Variants in PPP1R12B observed in about 807,000 individuals in gnomAD.
PPP1R12B encodes myosin phosphatase target subunit 2.
A neutral mutation model predicts 126.1 loss-of-function variants in PPP1R12B; 76 were observed. The observed-to-expected ratio is 0.60, with a 90% confidence interval of 0.50 to 0.73. The LOEUF is 0.73. Among genes scored for constraint, PPP1R12B ranks in the 30% least tolerant of loss-of-function variants. PPP1R12B has a pLI of 0.00. For missense variants in PPP1R12B, 1,052 were observed against 1,205.1 expected (o/e 0.87, Z 1.88); for synonymous variants, 356 against 434.7 (o/e 0.82, Z 2.25).
intron 2 of PPP1R12B, among the ~76,000 whole-genome samples, chr1:202,421,299 C>T (rs1382402822): frequency 6.7e-6 from 1 of 150,126 alleles, no homozygotes; most frequent in Non-Finnish European, 1.5e-5. Context: ...TATTATCTCT[C>T]TCTTTTTTTT....
intron 10 of PPP1R12B, chr1:202,438,962 A>T (rs1671225713): frequency 6.5e-7 from 1 of 1,533,404 alleles, no homozygotes; most frequent in Admixed American, 1.7e-5. Flanking sequence ...TGACCTGGAG[A>T]TGCTCACAGG....
At chr1:202,455,451 A>G (rs1673506807) in intron 13 of PPP1R12B, among the ~76,000 whole-genome samples, 1 of 152,218 alleles carries the variant, frequency 6.6e-6, no homozygotes, top group African/African-American at 2.4e-5. Context: ...GACATTTTAT[A>G]TAAATGGAAT....
intron 1 of PPP1R12B, among the ~76,000 whole-genome samples, chr1:202,361,407 G>C (rs753802891): frequency 2.0e-5 from 3 of 152,200 alleles, no homozygotes; most frequent in Non-Finnish European, 4.4e-5. Context: ...GCATCACATA[G>C]AGCAGGAGAA....
intron 18 of PPP1R12B, among the ~76,000 whole-genome samples, chr1:202,539,603 T>G (rs894130835): frequency 6.6e-6 from 1 of 152,200 alleles, no homozygotes; most frequent in Non-Finnish European, 1.5e-5. Context: ...ATCATAGTAG[T>G]TCCAAATGCC....
rs184582856 is a variant in PPP1R12B at position 202,420,635 on chromosome 1, C to G, written c.423-1985C>G. Among the ~76,000 whole-genome samples the G allele has an allele frequency of 9.2e-5, 14 of 152,116 alleles. No individual in the cohort carries two copies. In the East Asian group the frequency reaches 2.5e-3, roughly 27 times the overall value. On this transcript the variant is annotated intron_variant, in intron 2 of 23. Transcript: ENST00000608999. Reference sequence around the variant, plus strand: ...GAGGTGTAGCTGAATATTCCTTTTGCTTAAGGGAGAGGAATCAGAAGAGAG... The same window carrying G: ...GAGGTGTAGCTGAATATTCCTTTTGGTTAAGGGAGAGGAATCAGAAGAGAG...
intron 17 of PPP1R12B, 85 bp downstream of exon 17, chr1:202,495,767 A>G (rs1365410168): frequency 7.6e-6 from 9 of 1,190,532 alleles, no homozygotes; most frequent in Non-Finnish European, 1.1e-5. Flanking sequence ...AGAGTCCCGC[A>G]TGGTGCCATG....
chr1:202,452,741 A>C (rs1673165856), intron 13 of PPP1R12B, among the ~76,000 whole-genome samples: 2 of 151,416 alleles, frequency 1.3e-5, no homozygotes. Context: ...TTTTTGGTGG[A>C]GTCTTTAGGT....
chr1:202,465,019 A>G lies in PPP1R12B; in HGVS notation c.1850+15848A>G, dbSNP rs375760754. ...GATTGAGTTGGCCTTTAAGTATATG[A>G]AAGGTTTAAATGCTGTAAGAGAATT... On this transcript the variant is annotated intron_variant, in intron 13 of 23. Transcript: ENST00000608999. 9.8e-5 allele frequency among the ~76,000 whole-genome samples: 15 copies of G among 152,324 alleles called. 1 individual carries two copies. In the East Asian group the frequency reaches 2.1e-3, roughly 22 times the overall value.
intron 5 of PPP1R12B, among the ~76,000 whole-genome samples, chr1:202,427,685 C>T (rs1669712786): frequency 6.6e-6 from 1 of 152,146 alleles, no homozygotes; most frequent in African/African-American, 2.4e-5. Context: ...CGCTCTGTTG[C>T]CCAGGCTGGA....
intron 13 of PPP1R12B, among the ~76,000 whole-genome samples, chr1:202,483,435 T>C (rs1677675152): frequency 6.6e-6 from 1 of 151,790 alleles, no homozygotes. Flanking sequence ...GCCCAAAAAG[T>C]ATATGTAAAA....
intron 13 of PPP1R12B, among the ~76,000 whole-genome samples, chr1:202,479,904 CCTAA>C (rs1334747688): frequency 1.3e-5 from 2 of 152,170 alleles, no homozygotes; most frequent in Non-Finnish European, 1.5e-5. Context: ...ACTTCCTTAG[CCTAA>C]CTGCCAGGGG....
intron 18 of PPP1R12B, among the ~76,000 whole-genome samples, chr1:202,507,200 G>A (rs1343371239): frequency 1.3e-5 from 2 of 152,266 alleles, no homozygotes; most frequent in South Asian, 2.1e-4. Flanking sequence ...TACATAATGC[G>A]TACATCATGC....
chr1:202,578,945 T>C (rs185814877), intron 23 of PPP1R12B, among the ~76,000 whole-genome samples: 2 of 152,334 alleles, frequency 1.3e-5, no homozygotes, highest in East Asian at 1.9e-4. Context: ...AGAATGATCT[T>C]TGGAGTCAGG....
In PPP1R12B at chr1:202,459,046, A is replaced by G. The variant is rs370912149; in HGVS notation, c.1850+9875A>G. The stretch of plus-strand genomic sequence containing the variant: ...GAATGTTTTATCTTAAGAGGGGATA[A>G]GTGGGTATGTGCATACCAATTGGCC... On this transcript the variant is annotated intron_variant, in intron 13 of 23. Transcript: ENST00000608999. Among the ~76,000 whole-genome samples the G allele has an allele frequency of 3.9e-5, 6 of 152,354 alleles. No individual in the cohort carries two copies. The East Asian group carries it at 9.6e-4, about 24-fold the overall frequency.
chr1:202,561,991 G>A (rs959483884), intron 19 of PPP1R12B, among the ~76,000 whole-genome samples: 4 of 152,168 alleles, frequency 2.6e-5, no homozygotes, highest in Admixed American at 2.6e-4. Context: ...AGTTTCATAT[G>A]TGCTGCCTTT....
intron 18 of PPP1R12B, among the ~76,000 whole-genome samples, chr1:202,537,630 G>A (rs1241366108): frequency 6.6e-6 from 1 of 152,232 alleles, no homozygotes; most frequent in African/African-American, 2.4e-5. Flanking sequence ...AGGCCAGTTT[G>A]TAGTAAAAGA....
At chr1:202,471,291 C>T (rs805911) in intron 13 of PPP1R12B, among the ~76,000 whole-genome samples, 2,543 of 151,832 alleles carry the variant, frequency 0.017, 60 homozygotes, top group African/African-American at 0.055. Flanking sequence ...TACAATTATA[C>T]CACAGTTTGT....
At chr1:202,374,925 C>T (rs1660919784) in intron 1 of PPP1R12B, among the ~76,000 whole-genome samples, 1 of 152,108 alleles carries the variant, frequency 6.6e-6, no homozygotes, top group South Asian at 2.1e-4. Flanking sequence ...TTCTATTCTT[C>T]TTTCTCCAAC....
At chr1:202,421,650 A>C (rs1013578905) in intron 2 of PPP1R12B, among the ~76,000 whole-genome samples, 17 of 151,218 alleles carry the variant, frequency 1.1e-4, no homozygotes, top group African/African-American at 3.2e-4. Flanking sequence ...AAAAAAAAAA[A>C]CAAAAAAAAA....
Sources: gnomAD v4.1 joint callset for allele counts (sites outside exome capture counted in the v4.1 genomes callset) on GRCh38, gnomAD v4.1.1 for gene constraint, MANE v1.5 for transcripts, NCBI Gene and HGNC (gene_info 2026-07-23, HGNC 2026-07-21) for gene names.